The following SLC16A9 variants were observed in gnomAD, a reference collection of about 807,000 sequenced individuals.
SLC16A9 encodes solute carrier family 16 member 9.
SLC16A9 carries 26 observed loss-of-function variants against 44.3 expected under a neutral mutation model. The ratio of observed to expected loss-of-function variants is 0.59; its 90% CI spans 0.43 to 0.81. SLC16A9 has a LOEUF of 0.81. SLC16A9 is among the 40% of genes least tolerant of loss of function. SLC16A9 has a pLI of 0.00. For synonymous variants in SLC16A9, 230 were observed against 225.1 expected (o/e 1.02, Z -0.19); for missense variants, 559 against 595.8 (o/e 0.94, Z 0.64).
chr10:59,700,569 C>T (rs1840500301), intron 1 of SLC16A9, among the ~76,000 whole-genome samples: 2 of 152,192 alleles, frequency 1.3e-5, no homozygotes, highest in South Asian at 2.1e-4. Context: ...CTAAAACCTA[C>T]AGGGGATTTC....
At chr10:59,668,305 G>A (rs1588969985) in intron 3 of SLC16A9, among the ~76,000 whole-genome samples, 1 of 152,128 alleles carries the variant, frequency 6.6e-6, no homozygotes, top group Non-Finnish European at 1.5e-5. Context: ...TAAAAAGACT[G>A]CTGTTTATCC....
In SLC16A9 at chr10:59,665,521, T is replaced by G. The variant is rs112290603; in HGVS notation, c.341-1199A>C. On this transcript the variant is annotated intron_variant, in intron 3 of 5. Transcript: ENST00000395348. ...ATTAAAACAACTAGACTTTAACCCT[T>G]TAAAAATAGAGTGCCCTTTTATGTC... is the stretch of plus-strand genomic sequence containing the variant. 1.3e-3 allele frequency among the ~76,000 whole-genome samples: 192 copies of G among 152,282 alleles called. 1 individual carries two copies. The highest frequency in any genetic ancestry group is 4.4e-3 in the African/African-American group (183 of 41,554).
chr10:59,661,383 T>G (rs933734989), intron 4 of SLC16A9, among the ~76,000 whole-genome samples: 10 of 152,106 alleles, frequency 6.6e-5, no homozygotes, highest in African/African-American at 2.2e-4. Context: ...AAATCATGAG[T>G]GAACTCCCAT....
At chr10:59,694,273 G>A (rs1017834133) in intron 1 of SLC16A9, among the ~76,000 whole-genome samples, 71 of 152,266 alleles carry the variant, frequency 4.7e-4, no homozygotes, top group African/African-American at 1.6e-3. Context: ...TGTAAATCCA[G>A]TTGTGGTGGC....
chr10:59,710,042 G>A (rs1432502459), upstream of SLC16A9: 1 of 152,226 alleles, frequency 6.6e-6, no homozygotes, highest in Non-Finnish European at 1.5e-5. Flanking sequence ...CCACGAGAGA[G>A]GTGGGCGCCG....
chr10:59,669,553 G>A (rs1391138255), intron 3 of SLC16A9, among the ~76,000 whole-genome samples: 1 of 152,104 alleles, frequency 6.6e-6, no homozygotes, highest in African/African-American at 2.4e-5. Flanking sequence ...AGAATAAACA[G>A]AGGCCAGGTA....
At chr10:59,657,486 A>C (rs1839375395) in intron 4 of SLC16A9, among the ~76,000 whole-genome samples, 1 of 152,186 alleles carries the variant, frequency 6.6e-6, no homozygotes, top group Admixed American at 6.6e-5. Flanking sequence ...AGGTGGGTTC[A>C]TACTTCTCCC....
intron 1 of SLC16A9, among the ~76,000 whole-genome samples, chr10:59,697,456 CAT>C (rs1013110200): frequency 1.4e-4 from 21 of 152,018 alleles, no homozygotes; most frequent in African/African-American, 5.1e-4. Context: ...CTCTCTGAAA[CAT>C]GTGCTGTGTC....
chr10:59,696,966 G>A (rs1588994966), intron 1 of SLC16A9, among the ~76,000 whole-genome samples: 1 of 138,196 alleles, frequency 7.2e-6, no homozygotes, highest in African/African-American at 2.9e-5. Context: ...CAGCCGCCCC[G>A]TCCAGAAGGG....
chr10:59,696,516 C>A (rs1287454390), intron 1 of SLC16A9, among the ~76,000 whole-genome samples: 1 of 152,136 alleles, frequency 6.6e-6, no homozygotes, highest in African/African-American at 2.4e-5. Flanking sequence ...AGCCTCTGCC[C>A]GGCCGCCACC....
At chr10:59,674,839 C>A (rs1564702587) in intron 2 of SLC16A9, among the ~76,000 whole-genome samples, 1 of 152,158 alleles carries the variant, frequency 6.6e-6, no homozygotes, top group South Asian at 2.1e-4. Flanking sequence ...CATGAGGAAG[C>A]CTCAGAGCCT....
At chr10:59,691,432 A>T (rs1038923316) in intron 1 of SLC16A9, among the ~76,000 whole-genome samples, 8 of 152,182 alleles carry the variant, frequency 5.3e-5, no homozygotes, top group Non-Finnish European at 1.2e-4. Context: ...AATTAATTTG[A>T]ATTTGAACTT....
chr10:59,692,495 T>C (rs764288884), intron 1 of SLC16A9, among the ~76,000 whole-genome samples: 4 of 152,230 alleles, frequency 2.6e-5, no homozygotes, highest in Non-Finnish European at 5.9e-5. Context: ...GTAGCACAAC[T>C]CTATGAACAT....
At chr10:59,656,241 A>G (rs1253074375) in intron 4 of SLC16A9, among the ~76,000 whole-genome samples, 1 of 152,246 alleles carries the variant, frequency 6.6e-6, no homozygotes, top group Non-Finnish European at 1.5e-5. Flanking sequence ...TGACAGAATT[A>G]AAAACAGCAG....
intron 1 of SLC16A9, among the ~76,000 whole-genome samples, chr10:59,685,972 TC>T: frequency 2.0e-5 from 1 of 50,114 alleles, no homozygotes; most frequent in Non-Finnish European, 4.0e-5. Context: ...AACTTGCATT[TC>T]TTTCTTTTTT....
intron 1 of SLC16A9, among the ~76,000 whole-genome samples, chr10:59,689,233 T>C (rs1025907623): frequency 2.0e-5 from 3 of 152,200 alleles, no homozygotes; most frequent in African/African-American, 4.8e-5. Flanking sequence ...GTCACTCTAG[T>C]ACCCTCCTCC....
intron 1 of SLC16A9, among the ~76,000 whole-genome samples, chr10:59,687,002 G>A (rs949093555): frequency 1.3e-5 from 2 of 152,168 alleles, no homozygotes; most frequent in Non-Finnish European, 2.9e-5. Flanking sequence ...CCGCCTCCTA[G>A]GTTCAAGCGA....
At chr10:59,708,188 A>G (rs1182090079) in intron 1 of SLC16A9, among the ~76,000 whole-genome samples, 2 of 152,190 alleles carry the variant, frequency 1.3e-5, no homozygotes, top group Non-Finnish European at 2.9e-5. Flanking sequence ...ATGGGTACTA[A>G]CCATGTTTTC....
intron 1 of SLC16A9, among the ~76,000 whole-genome samples, chr10:59,685,119 C>T (rs555581626): frequency 6.4e-4 from 97 of 152,322 alleles, no homozygotes; most frequent in African/African-American, 2.3e-3. Context: ...CAATGTCTCT[C>T]TTTTTCATAA....
Sources: gnomAD v4.1 joint callset for allele counts (sites outside exome capture counted in the v4.1 genomes callset) on GRCh38, gnomAD v4.1.1 for gene constraint, MANE v1.5 for transcripts, NCBI Gene and HGNC (gene_info 2026-07-23, HGNC 2026-07-21) for gene names.